The following BCL7A variants were observed in gnomAD, a reference collection of about 807,000 sequenced individuals.
BCL7A encodes B-cell CLL/lymphoma 7 protein family member A.
In BCL7A, 11 loss-of-function variants were observed where a neutral mutation model predicts 28.4. That is an observed-to-expected ratio of 0.39 (90% CI 0.24 to 0.64). The LOEUF (loss-of-function observed/expected upper bound fraction) is 0.64, where lower values mean the gene tolerates loss of function less well. Among genes scored for constraint, BCL7A ranks in the 30% least tolerant of loss-of-function variants. The pLI, the probability that BCL7A is intolerant of heterozygous loss-of-function variation, is 0.50. For missense variants in BCL7A, 222 were observed against 274.8 expected, an observed-to-expected ratio of 0.81 and a Z score of 1.36; for synonymous variants, 123 against 103.3, an observed-to-expected ratio of 1.19 and a Z score of -1.15.
chr12:122,053,718 T>G (rs2135859842), intron 4 of BCL7A, among the ~76,000 whole-genome samples: 1 of 75,312 alleles, frequency 1.3e-5, no homozygotes, highest in East Asian at 4.2e-4. Context: ...TGCACCTTCC[T>G]TCTGCTAAAG....
At chr12:122,030,114 T>A (rs1422629060) in intron 1 of BCL7A, among the ~76,000 whole-genome samples, 1 of 152,138 alleles carries the variant, frequency 6.6e-6, no homozygotes. Context: ...ACCCACACAT[T>A]CAGGCTGTGT....
At chr12:122,044,329 C>A in intron 4 of BCL7A, 1 of 341,518 alleles carries the variant, frequency 2.9e-6, no homozygotes. Context: ...GGCAACATAG[C>A]AAGACCTCAT....
intron 4 of BCL7A, among the ~76,000 whole-genome samples, chr12:122,050,828 C>T (rs1884177507): frequency 6.6e-6 from 1 of 152,244 alleles, no homozygotes; most frequent in African/African-American, 2.4e-5. Flanking sequence ...ACAGAAGCTG[C>T]CTCCCTCGCC....
chr12:122,027,520 A>G (rs1883653812), intron 1 of BCL7A, among the ~76,000 whole-genome samples: 1 of 151,634 alleles, frequency 6.6e-6, no homozygotes, highest in Non-Finnish European at 1.5e-5. Flanking sequence ...AGCCTGGGCA[A>G]CAGAGGGAGA....
At chr12:122,033,017 T>G (rs374847198) in intron 2 of BCL7A, among the ~76,000 whole-genome samples, 1 of 152,204 alleles carries the variant, frequency 6.6e-6, no homozygotes, top group African/African-American at 2.4e-5. Context: ...ATCTATATGG[T>G]TATATCCATT....
In BCL7A at chr12:122,038,102, C is replaced by T. The variant is rs1286721870; in HGVS notation, c.271+2675C>T. Among the ~76,000 whole-genome samples the T allele has an allele frequency of 4.1e-5, 6 of 146,212 alleles. No individual in the cohort carries two copies. In the Admixed American group the frequency reaches 4.1e-4, roughly 10 times the overall value. Reference sequence around the variant, plus strand: ...CACCACTGCACTCCAGCCCAGGCAACAGGGTGAGACTCCGTCTCAAAAAAA... The same window carrying T: ...CACCACTGCACTCCAGCCCAGGCAATAGGGTGAGACTCCGTCTCAAAAAAA... On this transcript the variant is annotated intron_variant, in intron 3 of 5. Transcript: ENST00000261822.
intron 4 of BCL7A, among the ~76,000 whole-genome samples, chr12:122,049,033 A>ATATATATATAT (rs1410918154): frequency 1.7e-5 from 1 of 58,682 alleles, no homozygotes; most frequent in East Asian, 4.9e-4. Flanking sequence ...AAAAAAAAAA[A>ATATATATATAT]AAATATATAT....
At chr12:122,023,793 T>C (rs576841247) in intron 1 of BCL7A, among the ~76,000 whole-genome samples, 2 of 152,274 alleles carry the variant, frequency 1.3e-5, no homozygotes, top group African/African-American at 4.8e-5. Flanking sequence ...CAGCCCCCTC[T>C]ACTGTGGGAT....
At chr12:122,025,469 A>T in intron 1 of BCL7A, among the ~76,000 whole-genome samples, 1 of 151,990 alleles carries the variant, frequency 6.6e-6, no homozygotes. Context: ...CTAAAAAAAT[A>T]CAAAAAAATT....
chr12:122,022,010 G>A lies in BCL7A; in HGVS notation c.-82G>A. ...TCTGTGCGCGAGTGAGTGAGCGGCG[G>A]GCGGGCGCGAGTGTGGCCGCCGCGG... On this transcript the variant is annotated 5_prime_UTR_variant, in exon 1 of 6. Coordinates refer to ENST00000261822, the MANE Select transcript of BCL7A (RefSeq NM_001024808.3). The A allele has an allele frequency of 1.7e-6, 2 of 1,198,894 alleles. No homozygotes were observed. The highest frequency in any genetic ancestry group is 1.2e-6 in the Non-Finnish European group (1 of 860,334). 74.3% of individuals were successfully genotyped at this position (1,198,894 alleles called of 1,614,324 possible).
chr12:122,054,986 G>A (rs911951329), intron 5 of BCL7A, 60 bp downstream of exon 5: 8 of 1,613,310 alleles, frequency 5.0e-6, no homozygotes, highest in South Asian at 1.1e-5. Flanking sequence ...TTGGGTTGTC[G>A]GGGGTACGTT....
rs768720729 is a variant in BCL7A, at chr12:122,043,969, C to A, written c.355C>A (p.Pro119Thr). 9 of 1,613,884 alleles carry A rather than the reference C, an allele frequency of 5.6e-6. No individual in the cohort carries two copies. In the Admixed American group the frequency reaches 1.5e-4, roughly 27 times the overall value. The stretch of plus-strand genomic sequence containing the variant: ...CAGCAACTCCAGCCCCGCTCCAGAG[C>A]CCAACTCGGCTGTGCCCAGCGACGG... ...NSSNSSPAPEPNSAVPSDGTE... is the reference protein window; with the variant it reads ...NSSNSSPAPETNSAVPSDGTE... Residue 119 changes from proline to threonine, a missense_variant, in exon 4 of 6, where the codon CCC (proline) becomes ACC (threonine). Physicochemically the swap from Pro to Thr is conservative, Grantham distance 38 (BLOSUM62 -1). Coordinates refer to ENST00000261822, the MANE Select transcript of BCL7A (RefSeq NM_001024808.3).
Position 122,045,013 on chromosome 12 carries a change from G to A in BCL7A, c.439+960G>A, listed in dbSNP as rs546182209. Among the ~76,000 whole-genome samples the A allele has an allele frequency of 2.4e-4, 36 of 152,198 alleles. 1 individual carries two copies. Among genetic ancestry groups the A allele is most frequent in the African/African-American group, 9.6e-5 (4 of 41,518 alleles). On this transcript the variant is annotated intron_variant, in intron 4 of 5. Coordinates refer to ENST00000261822, the MANE Select transcript of BCL7A (RefSeq NM_001024808.3). ...TTGAATAAGACAAGGCTCAAACTGG[G>A]CGACTGAGCAAGCCATGTGGGGATC...
At chr12:122,030,244 G>C (rs1408878543) in intron 1 of BCL7A, among the ~76,000 whole-genome samples, 2 of 152,212 alleles carry the variant, frequency 1.3e-5, no homozygotes, top group East Asian at 3.9e-4. Context: ...CCTGACCTCA[G>C]ACGCATCGCC....
intron 3 of BCL7A, among the ~76,000 whole-genome samples, chr12:122,036,131 G>A (rs1007673146): frequency 7.2e-5 from 11 of 152,148 alleles, no homozygotes; most frequent in Admixed American, 1.3e-4. Context: ...ATGAACCACC[G>A]TGCCCGGCCT....
chr12:122,056,677 G>T (rs576046886), intron 5 of BCL7A, among the ~76,000 whole-genome samples: 4 of 152,044 alleles, frequency 2.6e-5, no homozygotes, highest in Non-Finnish European at 4.4e-5. Context: ...ATGGTGGTGC[G>T]CTCCTATAGT....
rs746163345 is a variant in BCL7A at position 122,022,086 on chromosome 12, G to T, written c.-6G>T. The stretch of plus-strand genomic sequence containing the variant: ...GCTCCCCAGCCTCCGTCTCCCCGCC[G>T]GAACCATGTCGGGCAGGTCGGTTCG... On this transcript the variant is annotated 5_prime_UTR_variant, in exon 1 of 6. Transcript: ENST00000261822. 26 of 1,561,530 alleles carry T rather than the reference G, an allele frequency of 1.7e-5. No homozygotes were observed. Among genetic ancestry groups the T allele is most frequent in the Non-Finnish European group, 2.2e-5 (25 of 1,152,572 alleles).
At chr12:122,052,116 C>T (rs1355378897) in intron 4 of BCL7A, among the ~76,000 whole-genome samples, 2 of 152,030 alleles carry the variant, frequency 1.3e-5, no homozygotes, top group Admixed American at 1.3e-4. Context: ...CTCAAGTGAT[C>T]TGCCTGCCTT....
chr12:122,038,431 CAAAAAAAAAA>C lies in BCL7A; in HGVS notation c.271+3023_271+3032del, dbSNP rs56376395. On this transcript the variant is annotated intron_variant, in intron 3 of 5. Transcript: ENST00000261822. Reference sequence around the variant, plus strand: ...TGGGCAAAGGAGCGAGACTCTGCCTCAAAAAAAAAAAAAAAAAAAAAAAAAAAAGAGCAGT... The same window carrying C: ...TGGGCAAAGGAGCGAGACTCTGCCTCAAAAAAAAAAAAAAAAAAGAGCAGT... Among the ~76,000 whole-genome samples the C allele has an allele frequency of 3.6e-4, 12 of 33,554 alleles. No homozygotes were observed. In the South Asian group the frequency reaches 4.4e-3, roughly 12 times the overall value. The allele number at this position is 33,554 out of a possible 152,430, so 22.0% of individuals were successfully genotyped here.
Sources: allele counts gnomAD v4.1 joint callset (sites outside exome capture counted in the v4.1 genomes callset), GRCh38; gene constraint gnomAD v4.1.1; transcripts MANE v1.5; gene names NCBI Gene and HGNC (gene_info 2026-07-23, HGNC 2026-07-21).